The following PDPR variants were observed in gnomAD, a reference collection of about 807,000 sequenced individuals.
PDPR encodes pyruvate dehydrogenase phosphatase regulatory subunit, mitochondrial.
A neutral mutation model predicts 102.2 loss-of-function variants in PDPR; 50 were observed. The ratio of observed to expected loss-of-function variants is 0.49; its 90% CI spans 0.39 to 0.62. The LOEUF (loss-of-function observed/expected upper bound fraction) is 0.62, where lower values mean the gene tolerates loss of function less well. PDPR is among the 20% of genes least tolerant of loss of function. PDPR has a pLI of 0.00. For missense variants in PDPR, 625 were observed against 1,098.2 expected (o/e 0.57, Z 6.09); for synonymous variants, 259 against 406.0 (o/e 0.64, Z 4.35).
rs370145975 is a variant in PDPR at position 70,156,517 on chromosome 16, C to T, written c.2278C>T (p.Gln760Ter). The T allele has an allele frequency of 6.2e-7, 1 of 1,614,052 alleles. No individual in the cohort carries two copies. The highest frequency in any genetic ancestry group is 2.2e-5 in the East Asian group (1 of 44,890). ...TCGCGACGCCCTCCTGCAGCAGAAGCAGAATGGAGTGTATAAACGCCTCAC... is the reference window on the plus strand; with the variant it reads ...TCGCGACGCCCTCCTGCAGCAGAAGTAGAATGGAGTGTATAAACGCCTCAC... The part of the protein sequence containing the change: ...IGRDALLQQK[Q>*]NGVYKRLTMF... The change falls in exon 19 of 19, where the codon CAG becomes TAG. Residue 760 changes from glutamine (Q) to a stop codon, truncating the protein, a stop_gained. Coordinates refer to ENST00000288050, the MANE Select transcript of PDPR (RefSeq NM_017990.5). LOFTEE classifies it high-confidence loss of function.
intron 3 of PDPR, among the ~76,000 whole-genome samples, chr16:70,125,552 CAAAAAAAAA>C (rs1164711741): frequency 9.4e-6 from 1 of 106,842 alleles, no homozygotes. Flanking sequence ...AACTGCGTCT[CAAAAAAAAA>C]AAAAAAAAAA....
intron 11 of PDPR, among the ~76,000 whole-genome samples, 177 bp downstream of exon 11, chr16:70,139,200 G>A (rs1356943720): frequency 2.6e-5 from 4 of 152,248 alleles, no homozygotes; most frequent in Admixed American, 6.5e-5. Flanking sequence ...TGATATATAC[G>A]TAACATTTTC....
At chr16:70,126,275 A>G (rs1488611258) in intron 3 of PDPR, among the ~76,000 whole-genome samples, 5 of 152,280 alleles carry the variant, frequency 3.3e-5, no homozygotes, top group Non-Finnish European at 7.3e-5. Flanking sequence ...GTAGTGGCAC[A>G]ATGCTAGCTC....
intron 3 of PDPR, among the ~76,000 whole-genome samples, chr16:70,121,387 T>A (rs1192444275): frequency 6.6e-6 from 1 of 151,874 alleles, no homozygotes; most frequent in Non-Finnish European, 1.5e-5. Flanking sequence ...ATACAAGTAA[T>A]GTTAGATTCA....
At position 70,143,668 on chromosome 16, in the gene PDPR, G is replaced by A. The variant is rs12920697; in HGVS notation, c.1754+10G>A. ...GACTGAACAAGCGCAGGTGAGATGA[G>A]CTGCCGTCCCGCTCTGCTCCCTCCA... On this transcript the variant is annotated intron_variant, in intron 14 of 18. Coordinates refer to ENST00000288050, the MANE Select transcript of PDPR (RefSeq NM_017990.5). 29,148 of 1,578,590 alleles carry A rather than the reference G, an allele frequency of 0.018. 104 individuals are homozygous for A. The highest frequency in any genetic ancestry group is 0.021 in the Non-Finnish European group (24,439 of 1,147,946).
At chr16:70,119,099 G>A (rs1450405527) in intron 2 of PDPR, among the ~76,000 whole-genome samples, 7 of 152,030 alleles carry the variant, frequency 4.6e-5, no homozygotes, top group Admixed American at 3.3e-4. Context: ...ACAGCCAGTA[G>A]GTGCTTTCTT....
At chr16:70,139,822 G>A (rs1311847120) in intron 11 of PDPR, among the ~76,000 whole-genome samples, 16 of 152,222 alleles carry the variant, frequency 1.1e-4, no homozygotes, top group Non-Finnish European at 2.1e-4. Context: ...TTATGCTCAG[G>A]ACTAAGTTTC....
In PDPR at chr16:70,154,150, C is replaced by G. The variant is rs8049831; in HGVS notation, c.2235+577C>G. ...CAGCCTGGGCGACAGAGCGAGACTC[C>G]GTCTCAAAAAAAAAAAAATTTACAA... On this transcript the variant is annotated intron_variant, in intron 18 of 18. Transcript: ENST00000288050. Among the ~76,000 whole-genome samples the G allele has an allele frequency of 7.7e-3, 1,167 of 151,406 alleles. 4 individuals are homozygous for G. The highest frequency in any genetic ancestry group is 0.027 in the African/African-American group (1,105 of 41,164).
At chr16:70,156,231 T>C in intron 18 of PDPR, 1 of 554,976 alleles carries the variant, frequency 1.8e-6, no homozygotes, top group Non-Finnish European at 3.1e-6. Flanking sequence ...TGACTTTATG[T>C]TTATAAAATA....
chr16:70,133,912 T>C (rs1407835968), intron 9 of PDPR, among the ~76,000 whole-genome samples: 3 of 152,162 alleles, frequency 2.0e-5, no homozygotes, highest in African/African-American at 7.2e-5. Flanking sequence ...TTTGTATTTT[T>C]AGTAGAGACA....
chr16:70,121,218 T>C lies in PDPR; in HGVS notation c.227+499T>C, dbSNP rs1261185482. Reference sequence around the variant, plus strand: ...TTGTTCTCATTCCCCAAGAGAAATATGCTCTATAGGCTTAGTTTCTCTGTG... The same window carrying C: ...TTGTTCTCATTCCCCAAGAGAAATACGCTCTATAGGCTTAGTTTCTCTGTG... On this transcript the variant is annotated intron_variant, in intron 3 of 18. Transcript: ENST00000288050. Among the ~76,000 whole-genome samples the C allele has an allele frequency of 3.9e-5, 6 of 152,276 alleles. No individual in the cohort carries two copies. In the East Asian group the frequency reaches 5.8e-4, roughly 15 times the overall value.
intron 17 of PDPR, among the ~76,000 whole-genome samples, chr16:70,152,987 G>T (rs1245759496): frequency 6.6e-6 from 1 of 152,294 alleles, no homozygotes; most frequent in Non-Finnish European, 1.5e-5. Flanking sequence ...AACAGTGGTT[G>T]GGAAATTGGA....
In PDPR at chr16:70,120,668, A is replaced by G. The variant is rs749223505; in HGVS notation, c.176A>G (p.Tyr59Cys). 3.1e-6 allele frequency: 5 copies of G among 1,613,854 alleles called. No homozygotes were observed. Among genetic ancestry groups the G allele is most frequent in the East Asian group, 2.2e-5 (1 of 44,876 alleles). Residue 59 changes from tyrosine (Y) to cysteine (C), a missense_variant, in exon 3 of 19, where the codon TAT becomes TGT. Tyr to Cys is a radical substitution (Grantham distance 194). Coordinates refer to ENST00000288050, the MANE Select transcript of PDPR (RefSeq NM_017990.5). ...GGGITGTSVA[Y>C]HLSKMGWKDI... ...GGAATCACGGGCACTTCTGTGGCCT[A>G]TCACCTCTCCAAAATGGGGTGGAAG...
chr16:70,126,797 A>C (rs1277958471), intron 3 of PDPR, among the ~76,000 whole-genome samples: 2 of 152,280 alleles, frequency 1.3e-5, no homozygotes, highest in African/African-American at 4.8e-5. Context: ...AAGTGCTGGG[A>C]TTACAGGCAT....
In PDPR at chr16:70,157,067, ACCT is replaced by A; in HGVS notation, c.*198_*200del. The A allele has an allele frequency of 2.5e-6, 2 of 812,962 alleles. No homozygotes were observed. Among genetic ancestry groups the A allele is most frequent in the Non-Finnish European group, 4.1e-6 (2 of 488,592 alleles). 50.4% of individuals were successfully genotyped at this position (812,962 alleles called of 1,614,324 possible). On this transcript the variant is annotated 3_prime_UTR_variant, in exon 19 of 19. Coordinates refer to ENST00000288050, the MANE Select transcript of PDPR (RefSeq NM_017990.5). ...GCTCTGCAGCCTTCCTTGCCCTTCC[ACCT>A]CCTCCTCCTAATATTCACTCTGGGC...
intron 3 of PDPR, among the ~76,000 whole-genome samples, chr16:70,126,583 T>G (rs1963993804): frequency 6.6e-6 from 1 of 152,276 alleles, no homozygotes; most frequent in Non-Finnish European, 1.5e-5. Flanking sequence ...CAAGATGGTT[T>G]CGATCTCCTG....
chr16:70,120,150 C>T (rs551057066), intron 2 of PDPR: 5 of 271,042 alleles, frequency 1.8e-5, no homozygotes, highest in African/African-American at 6.7e-5. Context: ...CCCCTGACCT[C>T]GTTATCCACT....
In PDPR at chr16:70,153,489, G is replaced by A. The variant is rs201119231; in HGVS notation, c.2151G>A (p.Lys717=). 24 of 1,613,382 alleles carry A rather than the reference G, an allele frequency of 1.5e-5. No individual in the cohort carries two copies. The highest frequency in any genetic ancestry group is 8.5e-7 in the Non-Finnish European group (1 of 1,179,692). The change falls in exon 18 of 19, where the codon AAG becomes AAA. Residue 717 remains lysine (K), a synonymous_variant. Transcript: ENST00000288050. The part of the protein sequence containing the change: ...YYALRSLRIE[K]FFAFWGQDIN... ...CTCTTCGCAGTCTCCGAATTGAGAA[G>A]TTTTTTGCCTTCTGGGGTCAGGATA...
chr16:70,157,148 T>A lies in PDPR; in HGVS notation c.*269T>A, dbSNP rs144765938. On this transcript the variant is annotated 3_prime_UTR_variant, in exon 19 of 19. Transcript: ENST00000288050. ...GCTTCTCGTGGTGGCAGGAGGTATG[T>A]CTGACAGGACAGAAGCAAGCTCCAC... is the stretch of plus-strand genomic sequence containing the variant. 1.5e-6 allele frequency: 1 copy of A among 658,544 alleles called. No individual in the cohort carries two copies. Among genetic ancestry groups the A allele is most frequent in the Non-Finnish European group, 2.8e-6 (1 of 360,630 alleles). 40.8% of individuals were successfully genotyped at this position (658,544 alleles called of 1,614,324 possible).
Sources: gnomAD v4.1 joint callset for allele counts (sites outside exome capture counted in the v4.1 genomes callset) on GRCh38, gnomAD v4.1.1 for gene constraint, MANE v1.5 for transcripts, NCBI Gene and HGNC (gene_info 2026-07-23, HGNC 2026-07-21) for gene names.